Variants in SLC66A2 observed in about 807,000 individuals in gnomAD.
SLC66A2 encodes solute carrier family 66 member 2.
A neutral mutation model predicts 25.5 loss-of-function variants in SLC66A2; 23 were observed. The ratio of observed to expected loss-of-function variants is 0.90; its 90% CI spans 0.65 to 1.28. The LOEUF (loss-of-function observed/expected upper bound fraction) is 1.28, where lower values mean the gene tolerates loss of function less well. Among genes scored for constraint, SLC66A2 ranks in the 50% most tolerant of loss-of-function variants. The probability of loss-of-function intolerance (pLI) is 0.00; values close to 1 mark genes in which losing one functional copy is unlikely to be tolerated. For synonymous variants in SLC66A2, 193 were observed against 166.5 expected, an observed-to-expected ratio of 1.16 and a Z score of -1.23; for missense variants, 396 against 373.1, an observed-to-expected ratio of 1.06 and a Z score of -0.51.
At chr18:79,948,080 G>A (rs1418100619) in intron 2 of SLC66A2, among the ~76,000 whole-genome samples, 1 of 152,234 alleles carries the variant, frequency 6.6e-6, no homozygotes, top group African/African-American at 2.4e-5. Flanking sequence ...GCACTCAGTG[G>A]TCACAGAAGC....
At chr18:79,907,847 TC>T (rs1982361777) in intron 5 of SLC66A2, among the ~76,000 whole-genome samples, 1 of 151,954 alleles carries the variant, frequency 6.6e-6, no homozygotes, top group Non-Finnish European at 1.5e-5. Context: ...ACCAAGATAG[TC>T]CCCCACAATA....
intron 5 of SLC66A2, among the ~76,000 whole-genome samples, chr18:79,908,087 G>A (rs1187496147): frequency 6.6e-6 from 1 of 151,920 alleles, no homozygotes; most frequent in Admixed American, 6.5e-5. Flanking sequence ...TATATTTTTT[G>A]CTAACTTTCA....
At chr18:79,908,637 A>G (rs944254061) in intron 5 of SLC66A2, among the ~76,000 whole-genome samples, 4 of 152,124 alleles carry the variant, frequency 2.6e-5, no homozygotes, top group African/African-American at 4.8e-5. Flanking sequence ...CTGGGCTCAG[A>G]TGACAGAATA....
rs1407665797 is a variant in SLC66A2, at chr18:79,903,001, AG to A, written c.*974del. 1 of 153,068 alleles carries A rather than the reference AG, an allele frequency of 6.5e-6. No individual in the cohort carries two copies. The highest frequency in any genetic ancestry group is 2.4e-5 in the African/African-American group (1 of 41,472). The allele number at this position is 153,068 out of a possible 1,614,324, so 9.5% of individuals were successfully genotyped here. On this transcript the variant is annotated 3_prime_UTR_variant, in exon 6 of 6. Coordinates refer to ENST00000397778, the MANE Select transcript of SLC66A2 (RefSeq NM_025078.5). ...CTTCAGGCCAAAAGCCCAGGGCAGC[AG>A]GGTAAGGCGCCATCGGCCAGGACCT... is the stretch of plus-strand genomic sequence containing the variant.
At position 79,904,082 on chromosome 18, in the gene SLC66A2, T is replaced by G; in HGVS notation, c.710A>C (p.Gln237Pro). The G allele has an allele frequency of 6.2e-7, 1 of 1,612,530 alleles. No individual in the cohort carries two copies. Among genetic ancestry groups the G allele is most frequent in the Non-Finnish European group, 8.5e-7 (1 of 1,179,644 alleles). ...PLQFSVCGLL[Q>P]VLVDLAILGQ... ...CAGGATGGCCAGGTCCACCAGCACC[T>G]GCAGCAGGCCGCACACGGAGAACTG... Residue 237 changes from glutamine to proline, a missense_variant, in exon 6 of 6, where the codon CAG (glutamine) becomes CCG (proline). By Grantham distance (76) the Gln-to-Pro change is moderately conservative. Transcript: ENST00000397778. The surrounding 1 kb of genome is among the most constrained non-coding windows in gnomAD (Gnocchi z 6.3).
At position 79,927,179 on chromosome 18, in the gene SLC66A2, G is replaced by A. The variant is rs887440176; in HGVS notation, c.391+6790C>T. On this transcript the variant is annotated intron_variant, in intron 4 of 5. Coordinates refer to ENST00000397778, the MANE Select transcript of SLC66A2 (RefSeq NM_025078.5). This position sits in a 1 kb window ranked among gnomAD's most constrained non-coding sequence, Gnocchi z 6.2. ...GCTGAGCAGGCAGAGCCTGTCCTTGGAAACGGCCCGGCCACCTGGGAGGGA... is the reference window on the plus strand; with the variant it reads ...GCTGAGCAGGCAGAGCCTGTCCTTGAAAACGGCCCGGCCACCTGGGAGGGA... Among the ~76,000 whole-genome samples, 1 of 152,216 alleles carries A rather than the reference G, an allele frequency of 6.6e-6. No homozygotes were observed. Among genetic ancestry groups the A allele is most frequent in the Non-Finnish European group, 1.5e-5 (1 of 68,036 alleles).
chr18:79,942,918 C>G (rs538718958), intron 3 of SLC66A2, among the ~76,000 whole-genome samples: 1 of 152,272 alleles, frequency 6.6e-6, no homozygotes, highest in Non-Finnish European at 1.5e-5. Flanking sequence ...GGCTAAGGTA[C>G]CCCTGAGTCA....
At position 79,932,802 on chromosome 18, in the gene SLC66A2, T is replaced by C. The variant is rs192090055; in HGVS notation, c.391+1167A>G. Among the ~76,000 whole-genome samples the C allele has an allele frequency of 1.1e-3, 160 of 152,288 alleles. 1 individual carries two copies. The highest frequency in any genetic ancestry group is 3.2e-3 in the African/African-American group (134 of 41,574). On this transcript the variant is annotated intron_variant, in intron 4 of 5. Transcript: ENST00000397778. Reference sequence around the variant, plus strand: ...AATAGACTTATAACAAGAGATTGAATTCGTAATTTTAAAACTTCCCACAAA... The same window carrying C: ...AATAGACTTATAACAAGAGATTGAACTCGTAATTTTAAAACTTCCCACAAA...
chr18:79,907,725 C>T (rs1461437278), intron 5 of SLC66A2, among the ~76,000 whole-genome samples: 7 of 151,828 alleles, frequency 4.6e-5, no homozygotes, highest in Admixed American at 4.6e-4. Flanking sequence ...CACACCCCTG[C>T]CCAAGGAAAC....
chr18:79,907,981 G>A (rs540711079), intron 5 of SLC66A2, among the ~76,000 whole-genome samples: 2 of 152,258 alleles, frequency 1.3e-5, no homozygotes, highest in South Asian at 4.2e-4. Context: ...TAAGTGGAAT[G>A]CAGAAGTCTT....
chr18:79,924,478 A>C (rs1233616171), intron 4 of SLC66A2, among the ~76,000 whole-genome samples: 4 of 152,178 alleles, frequency 2.6e-5, no homozygotes, highest in Non-Finnish European at 5.9e-5. Flanking sequence ...TTTGGGGGTG[A>C]TGAAAGGCCC....
chr18:79,950,650 G>C (rs1430051426), intron 2 of SLC66A2, 74 bp downstream of exon 2: 2 of 1,485,788 alleles, frequency 1.3e-6, no homozygotes, highest in Non-Finnish European at 1.9e-6. Flanking sequence ...CTGCTCCCCC[G>C]GCCTCAACCA....
rs554178740 is a variant in SLC66A2 at position 79,950,789 on chromosome 18, G to C, written c.138C>G (p.Ala46=). ...GGCACACGTAGGTGGAGAAGCCGTC[G>C]GCGTTCTGCGTCCTGCGAATGTCCC... ...QYRDIRRTQN[A]DGFSTYVCLV... Residue 46 remains alanine (A), a synonymous_variant, in exon 2 of 6, where the codon GCC becomes GCG. Transcript: ENST00000397778. 1.2e-6 allele frequency: 2 copies of C among 1,613,194 alleles called. No homozygotes were observed. Among genetic ancestry groups the C allele is most frequent in the East Asian group, 2.2e-5 (1 of 44,884 alleles).
intron 3 of SLC66A2, among the ~76,000 whole-genome samples, 171 bp downstream of exon 3, chr18:79,943,158 G>C (rs114790715): frequency 2.0e-5 from 3 of 152,202 alleles, no homozygotes; most frequent in Non-Finnish European, 4.4e-5. Context: ...GTCATAAACC[G>C]TTTAACTGAA....
chr18:79,910,442 A>C (rs1488993171), intron 5 of SLC66A2, among the ~76,000 whole-genome samples: 2 of 124,736 alleles, frequency 1.6e-5, no homozygotes, highest in South Asian at 2.7e-4. Flanking sequence ...CCTTCCCCAC[A>C]CCCTCACCAT....
Position 79,950,954 on chromosome 18 carries a change from A to ACGGGCTC in SLC66A2, c.-35_-29dup. Reference sequence around the variant, plus strand: ...CAGCGCCCGCCTGGCCGAGGCTGTCACGGGCTCCGCGCCCCGCGGGCCACC... The same window carrying ACGGGCTC: ...CAGCGCCCGCCTGGCCGAGGCTGTCACGGGCTCCGGGCTCCGCGCCCCGCGGGCCACC... On this transcript the variant is annotated 5_prime_UTR_variant, in exon 2 of 6. It removes the in-frame stop codon of an upstream open reading frame in the 5' UTR. Transcript: ENST00000397778. 1 of 1,485,798 alleles carries ACGGGCTC rather than the reference A, an allele frequency of 6.7e-7. No individual in the cohort carries two copies. The highest frequency in any genetic ancestry group is 9.0e-7 in the Non-Finnish European group (1 of 1,115,136). The allele number at this position is 1,485,798 out of a possible 1,614,324, so 92.0% of individuals were successfully genotyped here. A position where few individuals can be genotyped will look rare whatever the true frequency, so the allele number is the denominator to read the frequency against.
chr18:79,938,928 G>A (rs1417348080), intron 3 of SLC66A2, among the ~76,000 whole-genome samples: 1 of 152,120 alleles, frequency 6.6e-6, no homozygotes, highest in African/African-American at 2.4e-5. Context: ...CGCCCACCTC[G>A]GCCTCCCAAA....
At chr18:79,913,615 G>A (rs1363418846) in intron 5 of SLC66A2, among the ~76,000 whole-genome samples, 1 of 152,252 alleles carries the variant, frequency 6.6e-6, no homozygotes, top group African/African-American at 2.4e-5. Flanking sequence ...GCGCACGCGC[G>A]CATGGAGGCA....
chr18:79,907,940 A>C (rs1278590161), intron 5 of SLC66A2, among the ~76,000 whole-genome samples: 5 of 152,162 alleles, frequency 3.3e-5, no homozygotes, highest in African/African-American at 1.2e-4. Flanking sequence ...TAACTTGTCA[A>C]AGTCTCCTTA....
Sources: allele counts gnomAD v4.1 joint callset (sites outside exome capture counted in the v4.1 genomes callset), GRCh38; gene constraint gnomAD v4.1.1; non-coding constraint Gnocchi (gnomAD v3.1); transcripts MANE v1.5; gene names NCBI Gene and HGNC (gene_info 2026-07-23, HGNC 2026-07-21).